Variants in NFYB observed in about 807,000 individuals in gnomAD.
The protein encoded by NFYB is nuclear transcription factor Y subunit beta.
Under a neutral mutation model 28.0 loss-of-function variants are expected in NFYB, and 13 were observed. The ratio of observed to expected loss-of-function variants is 0.46; its 90% CI spans 0.30 to 0.74. The LOEUF is 0.74. NFYB is among the 30% of genes least tolerant of loss of function. The pLI, the probability that NFYB is intolerant of heterozygous loss-of-function variation, is 0.07. For synonymous variants in NFYB, 74 were observed against 75.0 expected (o/e 0.99, Z 0.07); for missense variants, 142 against 247.6 (o/e 0.57, Z 2.86).
chr12:104,130,801 A>G (rs2030894342), intron 2 of NFYB, among the ~76,000 whole-genome samples: 1 of 152,200 alleles, frequency 6.6e-6, no homozygotes, highest in African/African-American at 2.4e-5. Flanking sequence ...AGAATGATCA[A>G]TTATGATACC....
chr12:104,126,908 A>C (rs765318472), intron 3 of NFYB, among the ~76,000 whole-genome samples: 8 of 152,210 alleles, frequency 5.3e-5, no homozygotes, highest in Non-Finnish European at 1.2e-4. Flanking sequence ...TCTTTAAAGA[A>C]TGGAAAAACT....
At chr12:104,120,605 A>C (rs749300717) in intron 6 of NFYB, 126 bp from the exon 7 acceptor site, 56 of 647,672 alleles carry the variant, frequency 8.6e-5, no homozygotes, top group Non-Finnish European at 1.4e-4. Flanking sequence ...AGTCTTGGAC[A>C]AAATAATAAA....
At chr12:104,121,067 C>G (rs2030453867) in intron 6 of NFYB, among the ~76,000 whole-genome samples, 173 bp downstream of exon 6, 1 of 152,144 alleles carries the variant, frequency 6.6e-6, no homozygotes, top group South Asian at 2.1e-4. Context: ...CAGAATTAAA[C>G]TTTTCTACAC....
intron 6 of NFYB, 114 bp from the exon 7 acceptor site, chr12:104,120,593 G>A: frequency 1.4e-6 from 1 of 725,770 alleles, no homozygotes; most frequent in East Asian, 2.6e-5. Flanking sequence ...TATCAATGAT[G>A]TAGTCTTGGA....
At chr12:104,125,861 A>AAC (rs2030689029) in intron 4 of NFYB, among the ~76,000 whole-genome samples, 1 of 151,570 alleles carries the variant, frequency 6.6e-6, no homozygotes, top group African/African-American at 2.4e-5. Context: ...AAAAAAAAAA[A>AAC]AAAAAAAAAA....
At chr12:104,136,957 G>C (rs2031123315) in intron 1 of NFYB, among the ~76,000 whole-genome samples, 1 of 152,160 alleles carries the variant, frequency 6.6e-6, no homozygotes, top group African/African-American at 2.4e-5. Context: ...TAAGATACAA[G>C]AGCAATGCAG....
At chr12:104,131,358 A>G (rs530567792) in intron 2 of NFYB, 1 of 184,334 alleles carries the variant, frequency 5.4e-6, no homozygotes, top group African/African-American at 2.4e-5. Context: ...ATGTGTCTTC[A>G]GTTCTGCAAG....
chr12:104,123,163 G>A (rs551634696), intron 5 of NFYB, 63 bp downstream of exon 5: 30 of 1,275,640 alleles, frequency 2.4e-5, no homozygotes, highest in East Asian at 1.5e-4. Context: ...GCAACAGAGC[G>A]ATACTCCACC....
chr12:104,128,143 C>T (rs565792981), intron 3 of NFYB, among the ~76,000 whole-genome samples: 3 of 152,264 alleles, frequency 2.0e-5, no homozygotes, highest in Non-Finnish European at 2.9e-5. Flanking sequence ...TCTTATTTAA[C>T]ATTTAAACAG....
At chr12:104,130,403 G>A (rs1565826613) in intron 2 of NFYB, among the ~76,000 whole-genome samples, 2 of 152,116 alleles carry the variant, frequency 1.3e-5, no homozygotes, top group South Asian at 2.1e-4. Context: ...TCTGTTGACT[G>A]TGATGCCTAA....
chr12:104,126,449 C>T (rs1363639423), intron 3 of NFYB, among the ~76,000 whole-genome samples: 1 of 152,112 alleles, frequency 6.6e-6, no homozygotes, highest in Non-Finnish European at 1.5e-5. Context: ...CTGCCTAGAA[C>T]ACTTTTTATC....
chr12:104,120,063 ATT>A (rs200252218), intron 7 of NFYB, among the ~76,000 whole-genome samples: 1 of 150,314 alleles, frequency 6.7e-6, no homozygotes, highest in Non-Finnish European at 1.5e-5. Context: ...TAAAAAAAAA[ATT>A]TTTTTTTTGA....
At position 104,134,552 on chromosome 12, in the gene NFYB, A is replaced by G. The variant is rs984825785; in HGVS notation, c.6+896T>C. Among the ~76,000 whole-genome samples, 29 of 152,176 alleles carry G rather than the reference A, an allele frequency of 1.9e-4. 1 individual carries two copies. Among genetic ancestry groups the G allele is most frequent in the Admixed American group, 1.9e-3 (29 of 15,278 alleles). ...TCCTATTTCCACTGGATTACCACCC[A>G]GCCCATCTTAACATATTGTTATAAG... On this transcript the variant is annotated intron_variant, in intron 2 of 7. Coordinates refer to ENST00000240055, the MANE Select transcript of NFYB (RefSeq NM_006166.4).
intron 1 of NFYB, among the ~76,000 whole-genome samples, chr12:104,136,386 T>C (rs961273531): frequency 6.6e-6 from 1 of 152,100 alleles, no homozygotes; most frequent in African/African-American, 2.4e-5. Context: ...ATCTAGCAAA[T>C]AGCAGAAAAA....
intron 5 of NFYB, 33 bp downstream of exon 5, chr12:104,123,193 A>G (rs537193536): frequency 1.9e-5 from 30 of 1,548,696 alleles, no homozygotes; most frequent in African/African-American, 1.5e-4. Flanking sequence ...AAAAGAAGAA[A>G]AAAAAAAGCA....
At chr12:104,127,455 C>T (rs1201430563) in intron 3 of NFYB, among the ~76,000 whole-genome samples, 4 of 151,720 alleles carry the variant, frequency 2.6e-5, no homozygotes. Flanking sequence ...GTGATCTCAG[C>T]TAACGGGCAG....
chr12:104,126,036 C>G, intron 4 of NFYB, 78 bp downstream of exon 4: 1 of 1,386,476 alleles, frequency 7.2e-7, no homozygotes, highest in Non-Finnish European at 9.6e-7. Flanking sequence ...CAACAGCTAA[C>G]TGTACCCATG....
rs950061776 is a variant in NFYB at position 104,118,853 on chromosome 12, TGAA to T, written c.*881_*883del. 9 of 152,178 alleles carry T rather than the reference TGAA, an allele frequency of 5.9e-5. No homozygotes were observed. The highest frequency in any genetic ancestry group is 2.6e-4 in the Admixed American group (4 of 15,284). 9.4% of individuals were successfully genotyped at this position (152,178 alleles called of 1,614,324 possible). A position where few individuals can be genotyped will look rare whatever the true frequency, so the allele number is the denominator to read the frequency against. On this transcript the variant is annotated 3_prime_UTR_variant, in exon 8 of 8. Coordinates refer to ENST00000240055, the MANE Select transcript of NFYB (RefSeq NM_006166.4). Reference sequence around the variant, plus strand: ...TGACATTTCAATTAAAAAGGTAAAATGAAGACATTTACCATCAGACTATAAAAC... The same window carrying T: ...TGACATTTCAATTAAAAAGGTAAAATGACATTTACCATCAGACTATAAAAC...
At chr12:104,125,772 T>C (rs112400166) in intron 4 of NFYB, among the ~76,000 whole-genome samples, 2,287 of 136,932 alleles carry the variant, frequency 0.017, 26 homozygotes, top group Admixed American at 0.026. Context: ...TGCTTGAACC[T>C]GGGAGGCGGA....
Sources: gnomAD v4.1 joint callset for allele counts (sites outside exome capture counted in the v4.1 genomes callset) on GRCh38, gnomAD v4.1.1 for gene constraint, MANE v1.5 for transcripts, NCBI Gene and HGNC (gene_info 2026-07-23, HGNC 2026-07-21) for gene names.